Variants in ESYT2 observed in about 807,000 individuals in gnomAD.
The protein encoded by ESYT2 is extended synaptotagmin-2.
Under a neutral mutation model 107.2 loss-of-function variants are expected in ESYT2, and 54 were observed. That is an observed-to-expected ratio of 0.50 (90% CI 0.40 to 0.63). The LOEUF is 0.63. Ranked by LOEUF, ESYT2 falls within the 30% of genes least tolerant of loss-of-function variation. The pLI, the probability that ESYT2 is intolerant of heterozygous loss-of-function variation, is 0.00. For synonymous variants in ESYT2, 491 were observed against 434.1 expected, an observed-to-expected ratio of 1.13 and a Z score of -1.63; for missense variants, 1,020 against 1,094.5, an observed-to-expected ratio of 0.93 and a Z score of 0.96.
At position 158,744,806 on chromosome 7, in the gene ESYT2, T is replaced by A. The variant is rs188659253; in HGVS notation, c.1645-1128A>T. On this transcript the variant is annotated intron_variant, in intron 16 of 22. Coordinates refer to ENST00000275418, the MANE Select transcript of ESYT2 (RefSeq NM_001367773.1). Reference sequence around the variant, plus strand: ...GCTATACAAAAATGGTCAGAGAAATTAACACATAACTACTCAGGAAAACCT... The same window carrying A: ...GCTATACAAAAATGGTCAGAGAAATAAACACATAACTACTCAGGAAAACCT... 8.2e-3 allele frequency among the ~76,000 whole-genome samples: 1,248 copies of A among 152,324 alleles called. 9 individuals carry two copies. The highest frequency in any genetic ancestry group is 0.015 in the Non-Finnish European group (997 of 68,022).
Position 158,761,516 on chromosome 7 carries a change from T to G in ESYT2, c.1213A>C (p.Lys405Gln), listed in dbSNP as rs776017219. 2.5e-6 allele frequency: 4 copies of G among 1,614,026 alleles called. No homozygotes were observed. In the South Asian group the frequency reaches 4.4e-5, roughly 18 times the overall value. The change falls in exon 11 of 23, where the codon AAG becomes CAG. Residue 405 changes from lysine to glutamine, a missense_variant. Lys to Gln is a moderately conservative substitution (Grantham distance 53). Transcript: ENST00000275418. ...CTTACTTCATCTAAAAGGCGCTCCTTTTCAACTTCAATGAGGTCAATCATA... is the reference window on the plus strand; with the variant it reads ...CTTACTTCATCTAAAAGGCGCTCCTGTTCAACTTCAATGAGGTCAATCATA... ...SLMIDLIEVE[K>Q]ERLLDEWFTL...
intron 3 of ESYT2, among the ~76,000 whole-genome samples, chr7:158,797,637 T>C (rs2602555): frequency 0.78 from 118,903 of 151,758 alleles, 48,030 homozygotes; most frequent in Non-Finnish European, 0.89. Flanking sequence ...AGGCAGATCA[T>C]GAGGTCAGGA....
intron 14 of ESYT2, among the ~76,000 whole-genome samples, chr7:158,750,972 A>T (rs1190267948): frequency 6.6e-6 from 1 of 152,254 alleles, no homozygotes; most frequent in South Asian, 2.1e-4. Context: ...CTATTATTAG[A>T]TACAGAAACC....
intron 4 of ESYT2, among the ~76,000 whole-genome samples, chr7:158,791,751 C>T (rs1385681469): frequency 6.6e-6 from 1 of 152,210 alleles, no homozygotes; most frequent in Non-Finnish European, 1.5e-5. Flanking sequence ...GTTCTTTCCA[C>T]ATTTTTGAAT....
chr7:158,741,619 T>C lies in ESYT2; in HGVS notation c.2072A>G (p.His691Arg), dbSNP rs764419846. Residue 691 changes from histidine to arginine, a missense_variant, in exon 18 of 23, where the codon CAC becomes CGC. By Grantham distance (29) the His-to-Arg change is conservative. Transcript: ENST00000275418. ...GGGGGTCGGCTCCTTGACTGAGATG[T>C]GGCCTGGGGAGGCCAGGAGGCTGGA... The part of the protein sequence containing the change: ...SSSSLLASPG[H>R]ISVKEPTPSI... 4 of 1,613,094 alleles carry C rather than the reference T, an allele frequency of 2.5e-6. No individual in the cohort carries two copies. Among genetic ancestry groups the C allele is most frequent in the African/African-American group, 1.3e-5 (1 of 75,000 alleles).
chr7:158,734,223 G>A lies in ESYT2; in HGVS notation c.2585C>T (p.Pro862Leu). 1 of 1,614,122 alleles carries A rather than the reference G, an allele frequency of 6.2e-7. No individual in the cohort carries two copies. The highest frequency in any genetic ancestry group is 8.5e-7 in the Non-Finnish European group (1 of 1,180,042). The change falls in exon 23 of 23, where the codon CCT becomes CTT. Residue 862 changes from proline to leucine, a missense_variant. Pro to Leu is a moderately conservative substitution (Grantham distance 98). Coordinates refer to ENST00000275418, the MANE Select transcript of ESYT2 (RefSeq NM_001367773.1). ...CTGCTGCGGCTATGTCATCGCCTGA[G>A]GCCTCGTCCCATCTTCCGTGAGGTC... ...WYDLTEDGTR[P>L]QAMT
intron 13 of ESYT2, among the ~76,000 whole-genome samples, chr7:158,753,275 T>C (rs561489476): frequency 3.2e-4 from 49 of 152,246 alleles, no homozygotes; most frequent in African/African-American, 1.2e-3. Flanking sequence ...CCAGGTCAGG[T>C]CCTGGAACCG....
intron 3 of ESYT2, among the ~76,000 whole-genome samples, chr7:158,795,309 C>T (rs1240086853): frequency 6.6e-6 from 1 of 152,238 alleles, no homozygotes; most frequent in Non-Finnish European, 1.5e-5. Flanking sequence ...CCTCTTAATA[C>T]TCTTGCTATT....
At chr7:158,805,354 A>T (rs1034040996) in intron 1 of ESYT2, among the ~76,000 whole-genome samples, 2 of 152,234 alleles carry the variant, frequency 1.3e-5, no homozygotes, top group Non-Finnish European at 2.9e-5. Flanking sequence ...TTTTTCAAAG[A>T]TATTAGGATG....
chr7:158,794,800 T>C (rs1839412843), intron 3 of ESYT2, among the ~76,000 whole-genome samples: 1 of 152,154 alleles, frequency 6.6e-6, no homozygotes, highest in African/African-American at 2.4e-5. Flanking sequence ...GCACTTTACC[T>C]TTAGAGTACT....
chr7:158,828,877 G>C (rs1324576715), intron 1 of ESYT2, among the ~76,000 whole-genome samples: 2 of 150,402 alleles, frequency 1.3e-5, no homozygotes, highest in Admixed American at 6.6e-5. Context: ...GAACCGGCCC[G>C]GGGGCCGGGG....
intron 1 of ESYT2, among the ~76,000 whole-genome samples, chr7:158,818,935 C>T (rs188895293): frequency 3.5e-4 from 53 of 152,344 alleles, no homozygotes; most frequent in African/African-American, 1.2e-3. Context: ...CCCACTCGCA[C>T]GGGCCCTGGC....
intron 1 of ESYT2, among the ~76,000 whole-genome samples, chr7:158,810,313 G>A (rs186377131): frequency 6.6e-6 from 1 of 152,246 alleles, no homozygotes; most frequent in East Asian, 1.9e-4. Context: ...ACAAAATATA[G>A]CCTTTTCATA....
At chr7:158,799,160 C>T (rs2709855) in intron 1 of ESYT2, 88 bp from the exon 2 acceptor site, 1,067,806 of 1,136,730 alleles carry the variant, frequency 0.94, 501,912 homozygotes, top group Middle Eastern at 0.95. Context: ...TCTCATCATA[C>T]GTCCTATGTT....
In ESYT2 at chr7:158,816,531, A is replaced by C. The variant is rs10271921; in HGVS notation, c.330+12558T>G. On this transcript the variant is annotated intron_variant, in intron 1 of 22. Transcript: ENST00000275418. ...AAAGCTTCTCCCCAGGAGCCTCCAGAGTGCACACCCTGCCCACCCCTCAGT... is the reference window on the plus strand; with the variant it reads ...AAAGCTTCTCCCCAGGAGCCTCCAGCGTGCACACCCTGCCCACCCCTCAGT... Among the ~76,000 whole-genome samples the C allele has an allele frequency of 2.4e-3, 372 of 152,318 alleles. 1 individual carries two copies. Among genetic ancestry groups the C allele is most frequent in the Middle Eastern group, 0.014 (4 of 294 alleles).
intron 8 of ESYT2, among the ~76,000 whole-genome samples, 176 bp from the exon 9 acceptor site, chr7:158,765,029 C>T (rs186115018): frequency 6.6e-6 from 1 of 152,292 alleles, no homozygotes; most frequent in East Asian, 1.9e-4. Flanking sequence ...ATAGGAGAAG[C>T]AGGTGCTGAG....
At chr7:158,737,207 G>GT in intron 19 of ESYT2, 28 bp from the exon 20 acceptor site, 1 of 1,600,988 alleles carries the variant, frequency 6.2e-7, no homozygotes, top group Non-Finnish European at 8.5e-7. Flanking sequence ...ATAAGACGAG[G>GT]TATTAGGACC....
intron 14 of ESYT2, among the ~76,000 whole-genome samples, chr7:158,750,306 T>C (rs568419940): frequency 1.3e-5 from 2 of 152,070 alleles, no homozygotes; most frequent in Admixed American, 1.3e-4. Flanking sequence ...GATATAAATA[T>C]GAAGAAAAAA....
intron 14 of ESYT2, among the ~76,000 whole-genome samples, chr7:158,751,804 A>C (rs1305635494): frequency 7.9e-5 from 12 of 152,212 alleles, no homozygotes; most frequent in African/African-American, 2.9e-4. Context: ...GTCTGATTTC[A>C]GGGCCTTCAG....
Sources: allele counts gnomAD v4.1 joint callset (sites outside exome capture counted in the v4.1 genomes callset), GRCh38; gene constraint gnomAD v4.1.1; transcripts MANE v1.5; gene names NCBI Gene and HGNC (gene_info 2026-07-23, HGNC 2026-07-21).